Variants in VSIG10 observed in about 807,000 individuals in gnomAD.
VSIG10 encodes the protein V-set and immunoglobulin domain containing 10.
In VSIG10, 48 loss-of-function variants were observed where a neutral mutation model predicts 58.7. The ratio of observed to expected loss-of-function variants is 0.82; its 90% CI spans 0.65 to 1.04. VSIG10 has a LOEUF of 1.04. VSIG10 is among the 50% of genes least tolerant of loss of function. The pLI is 0.00. For missense variants in VSIG10, 628 were observed against 670.0 expected (o/e 0.94, Z 0.69); for synonymous variants, 260 against 267.1 (o/e 0.97, Z 0.26).
rs938793654 is a variant in VSIG10 at position 118,079,546 on chromosome 12, T to G, written c.725A>C (p.Gln242Pro). The change falls in exon 4 of 9, where the codon CAG (glutamine) becomes CCG (proline). Residue 242 changes from glutamine to proline, a missense_variant. By Grantham distance (76) the Gln-to-Pro change is moderately conservative. Transcript: ENST00000359236. ...AQMASGSFML[Q>P]LTCRWDGGYP... Reference sequence around the variant, plus strand: ...TCCCCCATCCCAGCGACAGGTAAGCTGCAACATGAACGATCCTGATGCCAT... The same window carrying G: ...TCCCCCATCCCAGCGACAGGTAAGCGGCAACATGAACGATCCTGATGCCAT... 4.3e-6 allele frequency: 7 copies of G among 1,613,868 alleles called. No homozygotes were observed. Among genetic ancestry groups the G allele is most frequent in the Non-Finnish European group, 5.9e-6 (7 of 1,179,904 alleles).
At chr12:118,095,052 C>T (rs916696041) in intron 2 of VSIG10, among the ~76,000 whole-genome samples, 26 of 152,166 alleles carry the variant, frequency 1.7e-4, no homozygotes, top group African/African-American at 3.6e-4. Context: ...TACAGGTGCG[C>T]GCCACCACGC....
rs554748653 is a variant in VSIG10 at position 118,093,461 on chromosome 12, A to G, written c.361+2072T>C. Among the ~76,000 whole-genome samples, 7 of 151,990 alleles carry G rather than the reference A, an allele frequency of 4.6e-5. No homozygotes were observed. In the South Asian group the frequency reaches 1.5e-3, roughly 32 times the overall value. On this transcript the variant is annotated intron_variant, in intron 2 of 8. Transcript: ENST00000359236. ...TTCGCTCAAATGATTCTCCCACCTC[A>G]GCCTCCCAAAGTGCTGGGATTACAG...
rs35019751 is a variant in VSIG10 at position 118,066,245 on chromosome 12, C to CAAAAA, written c.*389_*393dup. On this transcript the variant is annotated 3_prime_UTR_variant, in exon 9 of 9. Coordinates refer to ENST00000359236, the MANE Select transcript of VSIG10 (RefSeq NM_019086.6). ...TGGGCAATAGAGGGAGACTCCGTCT[C>CAAAAA]AAAAAAAAAAAAAAAAAAAAAAAAA... The CAAAAA allele has an allele frequency of 3.1e-3, 123 of 40,204 alleles. 17 individuals are homozygous for CAAAAA. The highest frequency in any genetic ancestry group is 0.011 in the African/African-American group (85 of 7,444). 2.5% of individuals were successfully genotyped at this position (40,204 alleles called of 1,614,324 possible).
chr12:118,074,089 T>C, intron 4 of VSIG10, 97 bp from the exon 5 acceptor site: 1 of 1,403,814 alleles, frequency 7.1e-7, no homozygotes, highest in East Asian at 2.4e-5. Context: ...TGTTTTGTTT[T>C]GTTTTGTTTT....
intron 2 of VSIG10, among the ~76,000 whole-genome samples, chr12:118,093,250 G>A (rs1362400840): frequency 1.3e-5 from 2 of 151,302 alleles, no homozygotes; most frequent in African/African-American, 2.4e-5. Flanking sequence ...AGTGAGCTGA[G>A]ATTGCGCCAC....
At chr12:118,081,982 A>G (rs973034082) in intron 3 of VSIG10, 145 bp downstream of exon 3, 5 of 945,674 alleles carry the variant, frequency 5.3e-6, no homozygotes, top group African/African-American at 5.2e-5. Context: ...GCAACTTTGC[A>G]CTCCAGCCTG....
intron 3 of VSIG10, among the ~76,000 whole-genome samples, chr12:118,081,516 C>T (rs1010135251): frequency 3.3e-5 from 5 of 151,598 alleles, no homozygotes; most frequent in East Asian, 2.0e-4. Context: ...GTTAATCCTA[C>T]GTACTTTCAC....
In VSIG10 at chr12:118,064,047, C is replaced by A. The variant is rs1006815379; in HGVS notation, c.*2592G>T. On this transcript the variant is annotated 3_prime_UTR_variant, in exon 9 of 9. Coordinates refer to ENST00000359236, the MANE Select transcript of VSIG10 (RefSeq NM_019086.6). Reference sequence around the variant, plus strand: ...ATAGATCTCATGGTCTCTAAGTTAACAATACATGCAGATAAGATTTTTTTT... The same window carrying A: ...ATAGATCTCATGGTCTCTAAGTTAAAAATACATGCAGATAAGATTTTTTTT... 2 of 152,204 alleles carry A rather than the reference C, an allele frequency of 1.3e-5. No homozygotes were observed. The highest frequency in any genetic ancestry group is 3.8e-4 in the East Asian group (2 of 5,204). The allele number at this position is 152,204 out of a possible 1,614,324, so 9.4% of individuals were successfully genotyped here. A position where few individuals can be genotyped will look rare whatever the true frequency, so the allele number is the denominator to read the frequency against.
intron 5 of VSIG10, among the ~76,000 whole-genome samples, chr12:118,071,998 C>T (rs35298010): frequency 0.16 from 24,784 of 151,756 alleles, 2,289 homozygotes; most frequent in African/African-American, 0.25. Context: ...GTTAAAACCC[C>T]GTCTCTACTA....
chr12:118,079,962 T>A (rs544753341), intron 3 of VSIG10, among the ~76,000 whole-genome samples: 2 of 152,314 alleles, frequency 1.3e-5, no homozygotes, highest in Admixed American at 1.3e-4. Flanking sequence ...GCCTCCCAAG[T>A]AGCTGGGATT....
Position 118,064,062 on chromosome 12 carries a change from AG to A in VSIG10, c.*2576del, listed in dbSNP as rs1354345310. The A allele has an allele frequency of 9.8e-5, 15 of 152,374 alleles. No homozygotes were observed. Among genetic ancestry groups the A allele is most frequent in the African/African-American group, 3.6e-4 (15 of 41,594 alleles). 9.4% of individuals were successfully genotyped at this position (152,374 alleles called of 1,614,324 possible). A position where few individuals can be genotyped will look rare whatever the true frequency, so the allele number is the denominator to read the frequency against. On this transcript the variant is annotated 3_prime_UTR_variant, in exon 9 of 9. Coordinates refer to ENST00000359236, the MANE Select transcript of VSIG10 (RefSeq NM_019086.6). Reference sequence around the variant, plus strand: ...TCTAAGTTAACAATACATGCAGATAAGATTTTTTTTAAAGCACAGTGTAACA... The same window carrying A: ...TCTAAGTTAACAATACATGCAGATAAATTTTTTTTAAAGCACAGTGTAACA...
Position 118,065,614 on chromosome 12 carries a change from C to A in VSIG10, c.*1025G>T, listed in dbSNP as rs1024608123. 8 of 152,188 alleles carry A rather than the reference C, an allele frequency of 5.3e-5. No homozygotes were observed. Among genetic ancestry groups the A allele is most frequent in the African/African-American group, 1.7e-4 (7 of 41,454 alleles). The allele number at this position is 152,188 out of a possible 1,614,324, so 9.4% of individuals were successfully genotyped here. ...TTAGAAATGGAGAAAGGAAGTTCCC[C>A]TTTAAGCCCTAGGTCCTGCCCACTA... On this transcript the variant is annotated 3_prime_UTR_variant, in exon 9 of 9. Transcript: ENST00000359236.
chr12:118,067,611 C>A (rs1013623944), intron 8 of VSIG10, among the ~76,000 whole-genome samples: 6 of 151,624 alleles, frequency 4.0e-5, no homozygotes, highest in Admixed American at 1.3e-4. Flanking sequence ...TTACAGGCAC[C>A]TACCACACCC....
rs376997405 is a variant in VSIG10 at position 118,071,654 on chromosome 12, A to G, written c.1220-185T>C. Among the ~76,000 whole-genome samples, 10 of 152,342 alleles carry G rather than the reference A, an allele frequency of 6.6e-5. No homozygotes were observed. The South Asian group carries it at 8.3e-4, about 13-fold the overall frequency. ...ACCTCAGAGAGTTTGTGGGGATCAGATGGAGCAGGGAATGTGAACAAACAA... is the reference window on the plus strand; with the variant it reads ...ACCTCAGAGAGTTTGTGGGGATCAGGTGGAGCAGGGAATGTGAACAAACAA... On this transcript the variant is annotated intron_variant, in intron 5 of 8. Transcript: ENST00000359236.
chr12:118,085,382 T>C (rs193212313), intron 2 of VSIG10, among the ~76,000 whole-genome samples: 64 of 152,302 alleles, frequency 4.2e-4, no homozygotes, highest in African/African-American at 1.4e-3. Flanking sequence ...AGCTTCCTCA[T>C]TGCTCACGTG....
rs564940572 is a variant in VSIG10, at chr12:118,087,284, T to C, written c.362-4855A>G. ...ACCACGGGTGCCCATTCCAGGCAGG[T>C]TGAATTGCCCCGGGCCTACAGAAAA... On this transcript the variant is annotated intron_variant, in intron 2 of 8. Transcript: ENST00000359236. Among the ~76,000 whole-genome samples the C allele has an allele frequency of 8.4e-4, 127 of 151,842 alleles. 1 individual carries two copies. Among genetic ancestry groups the C allele is most frequent in the African/African-American group, 2.8e-3 (116 of 41,416 alleles).
intron 7 of VSIG10, chr12:118,070,828 G>A (rs2032460682): frequency 1.7e-6 from 1 of 589,448 alleles, no homozygotes; most frequent in Non-Finnish European, 3.0e-6. Context: ...TTACTTCACT[G>A]AGCCTCCATC....
intron 2 of VSIG10, among the ~76,000 whole-genome samples, chr12:118,085,219 A>G (rs1023133770): frequency 6.6e-6 from 1 of 152,180 alleles, no homozygotes; most frequent in African/African-American, 2.4e-5. Flanking sequence ...TGGTGGGTCC[A>G]TATCAGACAG....
chr12:118,095,476 C>T (rs2033420774), intron 2 of VSIG10, 57 bp downstream of exon 2: 4 of 1,596,908 alleles, frequency 2.5e-6, no homozygotes, highest in Non-Finnish European at 3.4e-6. Flanking sequence ...CCATGGTCTC[C>T]TCCTTTCCAA....
Sources: allele counts gnomAD v4.1 joint callset (sites outside exome capture counted in the v4.1 genomes callset), GRCh38; gene constraint gnomAD v4.1.1; transcripts MANE v1.5; gene names NCBI Gene and HGNC (gene_info 2026-07-23, HGNC 2026-07-21).